Variants in KCNB2 observed in about 807,000 individuals in gnomAD.
KCNB2 encodes the protein potassium voltage-gated channel subfamily B member 2.
KCNB2 carries 15 observed loss-of-function variants against 61.5 expected under a neutral mutation model. The ratio of observed to expected loss-of-function variants is 0.24; its 90% CI spans 0.16 to 0.38. The LOEUF (loss-of-function observed/expected upper bound fraction) is 0.38, where lower values mean the gene tolerates loss of function less well. KCNB2 is among the 10% of genes least tolerant of loss of function. The pLI is 1.00. For missense variants in KCNB2, 828 were observed against 1,125.2 expected (o/e 0.74, Z 3.78); for synonymous variants, 457 against 446.0 (o/e 1.02, Z -0.31).
intron 2 of KCNB2, among the ~76,000 whole-genome samples, chr8:72,699,166 C>T (rs1412150695): frequency 6.6e-6 from 1 of 152,034 alleles, no homozygotes; most frequent in South Asian, 2.1e-4. Context: ...AAGCAAAAAA[C>T]AACATCATTA....
intron 1 of KCNB2, among the ~76,000 whole-genome samples, chr8:72,551,463 T>C (rs1040207753): frequency 3.9e-5 from 6 of 152,150 alleles, no homozygotes; most frequent in African/African-American, 1.4e-4. Context: ...CTTTGTTTTC[T>C]GTTACAATTT....
intron 2 of KCNB2, among the ~76,000 whole-genome samples, chr8:72,867,378 G>A (rs764285337): frequency 2.6e-5 from 4 of 152,136 alleles, no homozygotes; most frequent in African/African-American, 4.8e-5. Context: ...GCCGGGAGTG[G>A]TGGCTCACGC....
intron 2 of KCNB2, among the ~76,000 whole-genome samples, chr8:72,886,789 A>G (rs1805814064): frequency 6.6e-6 from 1 of 152,276 alleles, no homozygotes; most frequent in African/African-American, 2.4e-5. Context: ...CTTGCATCGC[A>G]GTGGCAGCTG....
rs145975615 is a variant in KCNB2, at chr8:72,644,365, A to G, written c.579+76052A>G. ...TGGTTATTTACTGGATTTCTATCCTATGCTACTTATCCAGTCCTGACAATG... is the reference window on the plus strand; with the variant it reads ...TGGTTATTTACTGGATTTCTATCCTGTGCTACTTATCCAGTCCTGACAATG... On this transcript the variant is annotated intron_variant, in intron 2 of 2. Transcript: ENST00000523207. 1.6e-3 allele frequency among the ~76,000 whole-genome samples: 246 copies of G among 152,188 alleles called. 5 individuals are homozygous for G. The highest frequency in any genetic ancestry group is 5.5e-3 in the African/African-American group (230 of 41,534).
rs150689065 is a variant in KCNB2, at chr8:72,882,631, G to A, written c.580-53304G>A. 5.7e-3 allele frequency among the ~76,000 whole-genome samples: 860 copies of A among 151,438 alleles called. 8 individuals are homozygous for A. Among genetic ancestry groups the A allele is most frequent in the South Asian group, 0.031 (150 of 4,764 alleles). ...CAGTAGTGAGACCCAGTCGGTCGTG[G>A]GATTCCAGCAGCTGGTGCTTTCTCT... On this transcript the variant is annotated intron_variant, in intron 2 of 2. Coordinates refer to ENST00000523207, the MANE Select transcript of KCNB2 (RefSeq NM_004770.3).
chr8:72,686,168 A>C (rs1806849575), intron 2 of KCNB2, among the ~76,000 whole-genome samples: 1 of 152,202 alleles, frequency 6.6e-6, no homozygotes, highest in African/African-American at 2.4e-5. Flanking sequence ...GAAACACAAA[A>C]TATCTCAGTA....
intron 2 of KCNB2, among the ~76,000 whole-genome samples, chr8:72,930,260 A>C (rs1367754606): frequency 1.3e-5 from 2 of 151,706 alleles, no homozygotes; most frequent in Non-Finnish European, 2.9e-5. Context: ...CAATAAACAT[A>C]CGTGTGCATG....
Position 72,590,743 on chromosome 8 carries a change from A to G in KCNB2, c.579+22430A>G, listed in dbSNP as rs147768836. On this transcript the variant is annotated intron_variant, in intron 2 of 2. Coordinates refer to ENST00000523207, the MANE Select transcript of KCNB2 (RefSeq NM_004770.3). ...TATGAACACAAGATGAATGCATTCT[A>G]TTGAGTCTTAGAAATGGCACGTTCC... is the stretch of plus-strand genomic sequence containing the variant. Among the ~76,000 whole-genome samples the G allele has an allele frequency of 4.5e-4, 69 of 152,298 alleles. 1 individual carries two copies. Among genetic ancestry groups the G allele is most frequent in the African/African-American group, 1.5e-3 (63 of 41,580 alleles).
rs943422256 is a variant in KCNB2, at chr8:72,802,254, A to G, written c.580-133681A>G. On this transcript the variant is annotated intron_variant, in intron 2 of 2. Coordinates refer to ENST00000523207, the MANE Select transcript of KCNB2 (RefSeq NM_004770.3). ...GATAAAACAATTTGCGAGGGCTTTG[A>G]CATGACAAATAACCCCTAAATGGAT... Among the ~76,000 whole-genome samples the G allele has an allele frequency of 5.3e-5, 8 of 152,350 alleles. No homozygotes were observed. In the South Asian group the frequency reaches 6.2e-4, roughly 12 times the overall value.
chr8:72,624,813 G>A (rs990141937), intron 2 of KCNB2, among the ~76,000 whole-genome samples: 2 of 152,130 alleles, frequency 1.3e-5, no homozygotes, highest in South Asian at 2.1e-4. Flanking sequence ...ACATAACATC[G>A]CAGTGCCCCT....
intron 1 of KCNB2, among the ~76,000 whole-genome samples, chr8:72,540,118 G>A (rs1367782635): frequency 6.6e-6 from 1 of 152,130 alleles, no homozygotes; most frequent in Non-Finnish European, 1.5e-5. Flanking sequence ...TTCTTATATG[G>A]TAGAGAGATC....
intron 2 of KCNB2, among the ~76,000 whole-genome samples, chr8:72,781,980 C>T (rs1808765504): frequency 6.6e-6 from 1 of 152,086 alleles, no homozygotes; most frequent in Non-Finnish European, 1.5e-5. Context: ...AGAGGGAGAG[C>T]ATCAGGATAA....
chr8:72,619,168 A>T, intron 2 of KCNB2: 1 of 352,158 alleles, frequency 2.8e-6, no homozygotes, highest in Non-Finnish European at 5.6e-6. Flanking sequence ...TCAGTTTGGG[A>T]TTTTGTTTGA....
intron 2 of KCNB2, among the ~76,000 whole-genome samples, chr8:72,580,938 A>G (rs906340967): frequency 2.0e-5 from 3 of 152,030 alleles, no homozygotes; most frequent in Non-Finnish European, 2.9e-5. Flanking sequence ...ATGATTCCCC[A>G]CTGCCTGCGA....
At chr8:72,664,979 C>G (rs1169272364) in intron 2 of KCNB2, among the ~76,000 whole-genome samples, 1 of 152,112 alleles carries the variant, frequency 6.6e-6, no homozygotes, top group Non-Finnish European at 1.5e-5. Context: ...GCCAGAGAGA[C>G]TGCAGTGCTG....
intron 2 of KCNB2, among the ~76,000 whole-genome samples, chr8:72,831,882 T>C (rs770553414): frequency 7.9e-5 from 12 of 152,252 alleles, no homozygotes; most frequent in Non-Finnish European, 1.5e-4. Flanking sequence ...TACTTGATCT[T>C]AGCCAAAAGG....
intron 2 of KCNB2, among the ~76,000 whole-genome samples, chr8:72,906,864 A>G (rs954190321): frequency 1.3e-5 from 2 of 152,148 alleles, no homozygotes; most frequent in African/African-American, 4.8e-5. Flanking sequence ...GTATCTCCTC[A>G]TATTCTAACC....
chr8:72,566,685 T>C (rs976210132), intron 1 of KCNB2, among the ~76,000 whole-genome samples: 1 of 146,980 alleles, frequency 6.8e-6, no homozygotes, highest in African/African-American at 2.5e-5. Flanking sequence ...AGATTGTGCC[T>C]GGGCTACAGA....
chr8:72,809,721 CA>C (rs1251928842), intron 2 of KCNB2, among the ~76,000 whole-genome samples: 2 of 152,140 alleles, frequency 1.3e-5, no homozygotes, highest in African/African-American at 2.4e-5. Context: ...CTCAGTTCTC[CA>C]GTAGATTCAG....
Sources: gnomAD v4.1 joint callset for allele counts (sites outside exome capture counted in the v4.1 genomes callset) on GRCh38, gnomAD v4.1.1 for gene constraint, MANE v1.5 for transcripts, NCBI Gene and HGNC (gene_info 2026-07-23, HGNC 2026-07-21) for gene names.